The following PPARGC1A variants were observed in gnomAD, a reference collection of about 807,000 sequenced individuals.
PPARGC1A encodes peroxisome proliferator-activated receptor gamma coactivator 1-alpha.
A neutral mutation model predicts 88.7 loss-of-function variants in PPARGC1A; 25 were observed. The observed-to-expected ratio is 0.28, with a 90% confidence interval of 0.21 to 0.39. The LOEUF (loss-of-function observed/expected upper bound fraction) is 0.39, where lower values mean the gene tolerates loss of function less well. Ranked by LOEUF, PPARGC1A falls within the 10% of genes least tolerant of loss-of-function variation. The probability of loss-of-function intolerance (pLI) is 1.00; values close to 1 mark genes in which losing one functional copy is unlikely to be tolerated. For synonymous variants in PPARGC1A, 363 were observed against 355.6 expected (o/e 1.02, Z -0.24); for missense variants, 880 against 968.7 (o/e 0.91, Z 1.22).
the PPARGC1A span, among the ~76,000 whole-genome samples, chr4:24,078,343 T>C: frequency 6.6e-6 from 1 of 152,102 alleles, no homozygotes; most frequent in Non-Finnish European, 1.5e-5. Context: ...GCTCTCCCTC[T>C]GGCAGGGCAT....
At chr4:24,181,163 C>A in the PPARGC1A span, among the ~76,000 whole-genome samples, 1 of 152,172 alleles carries the variant, frequency 6.6e-6, no homozygotes, top group Non-Finnish European at 1.5e-5. Context: ...TAAGCTGTTA[C>A]TTAGAGGTGA....
At chr4:24,193,294 A>C in the PPARGC1A span, among the ~76,000 whole-genome samples, 1 of 152,204 alleles carries the variant, frequency 6.6e-6, no homozygotes, top group Non-Finnish European at 1.5e-5. Context: ...GTCAGTTTTC[A>C]ATGACTTGGA....
chr4:24,130,738 C>T, the PPARGC1A span, among the ~76,000 whole-genome samples: 5 of 152,126 alleles, frequency 3.3e-5, no homozygotes, highest in Middle Eastern at 6.3e-3. Context: ...AAAGTTCTAA[C>T]ATTTGGTGCT....
At chr4:23,834,544 G>T (rs1725676112) in intron 2 of PPARGC1A, among the ~76,000 whole-genome samples, 1 of 151,712 alleles carries the variant, frequency 6.6e-6, no homozygotes, top group Admixed American at 6.6e-5. Flanking sequence ...ATCAGAAGGG[G>T]TAACTGTTAA....
the PPARGC1A span, among the ~76,000 whole-genome samples, chr4:23,926,520 T>C: frequency 3.3e-5 from 5 of 152,296 alleles, no homozygotes; most frequent in African/African-American, 4.8e-5. Flanking sequence ...CCCCTCAACA[T>C]TGACCTAGAG....
At chr4:24,393,126 A>G in the PPARGC1A span, among the ~76,000 whole-genome samples, 1 of 151,876 alleles carries the variant, frequency 6.6e-6, no homozygotes, top group Non-Finnish European at 1.5e-5. Context: ...TGATTCTACA[A>G]ACTTCCTGGC....
At chr4:24,134,111 T>G in the PPARGC1A span, among the ~76,000 whole-genome samples, 1 of 152,182 alleles carries the variant, frequency 6.6e-6, no homozygotes, top group Non-Finnish European at 1.5e-5. Flanking sequence ...AAGGTGATTC[T>G]TTCAAAGACA....
At chr4:24,013,073 AG>A in the PPARGC1A span, among the ~76,000 whole-genome samples, 1 of 152,142 alleles carries the variant, frequency 6.6e-6, no homozygotes, top group Non-Finnish European at 1.5e-5. Flanking sequence ...TCATTCATTT[AG>A]CCCCTCCCTA....
chr4:23,919,075 T>C, the PPARGC1A span, among the ~76,000 whole-genome samples: 1 of 152,156 alleles, frequency 6.6e-6, no homozygotes, highest in Non-Finnish European at 1.5e-5. Context: ...AAATCAAGCC[T>C]CACCCTTCTC....
the PPARGC1A span, among the ~76,000 whole-genome samples, chr4:24,256,902 A>G: frequency 6.6e-6 from 1 of 152,142 alleles, no homozygotes; most frequent in Non-Finnish European, 1.5e-5. Flanking sequence ...AAAGATATAG[A>G]CAGATAAGAA....
chr4:23,823,071 G>A (rs1723290764), intron 7 of PPARGC1A, among the ~76,000 whole-genome samples: 1 of 151,642 alleles, frequency 6.6e-6, no homozygotes, highest in Admixed American at 6.6e-5. Context: ...TATGTAAGAT[G>A]GTAAAATCTC....
intron 1 of PPARGC1A, among the ~76,000 whole-genome samples, chr4:23,888,711 G>A (rs907951793): frequency 1.3e-5 from 2 of 152,152 alleles, no homozygotes; most frequent in Admixed American, 6.5e-5. Flanking sequence ...GGCATGCCTC[G>A]CTAGATAGGA....
Position 23,896,851 on chromosome 4 carries a change from G to A in PPARGC1A, n.52+2416C>T, listed in dbSNP as rs115391298. On this transcript the variant is annotated intron_variant and non_coding_transcript_variant, in intron 1 of 3. Transcript: ENST00000507342. The stretch of plus-strand genomic sequence containing the variant: ...AGGAGGGGCCACCAGCAAAGGCTTA[G>A]AGAAAGAGTGTTTGGAGACATGGCT... Among the ~76,000 whole-genome samples, 1,357 of 152,304 alleles carry A rather than the reference G, an allele frequency of 8.9e-3. 18 individuals are homozygous for A. Among genetic ancestry groups the A allele is most frequent in the African/African-American group, 0.031 (1,294 of 41,562 alleles).
the PPARGC1A span, among the ~76,000 whole-genome samples, chr4:24,022,737 C>G: frequency 6.6e-6 from 1 of 152,192 alleles, no homozygotes; most frequent in Non-Finnish European, 1.5e-5. Flanking sequence ...CGGGTCCCAG[C>G]CCACATGACC....
the PPARGC1A span, among the ~76,000 whole-genome samples, chr4:24,188,041 A>C: frequency 6.6e-6 from 1 of 152,370 alleles, no homozygotes; most frequent in African/African-American, 2.4e-5. Flanking sequence ...CTGAGATGGC[A>C]AAGAACATGC....
chr4:24,118,346 A>G, the PPARGC1A span, among the ~76,000 whole-genome samples: 15 of 152,160 alleles, frequency 9.9e-5, no homozygotes, highest in Non-Finnish European at 2.2e-4. Flanking sequence ...TTTGAAGAAA[A>G]TTAAAAGAAA....
At chr4:24,145,140 A>G in the PPARGC1A span, among the ~76,000 whole-genome samples, 1 of 151,302 alleles carries the variant, frequency 6.6e-6, no homozygotes, top group African/African-American at 2.4e-5. Context: ...TATGCATGCC[A>G]GGCACAGGGT....
the PPARGC1A span, among the ~76,000 whole-genome samples, chr4:24,089,294 A>C: frequency 6.6e-6 from 1 of 152,038 alleles, no homozygotes; most frequent in Admixed American, 6.6e-5. Context: ...TGTCAACTGA[A>C]GTAGGTGACT....
In PPARGC1A at chr4:23,813,038, G is replaced by T; in HGVS notation, c.1881C>A (p.Pro627=). ...PLYVRSRSRS[P]YSRRPRYDSY... ...CTCATTACCTGGGCCGACGGCTGTA[G>T]GGCGATCTTGAACGTGATCTCACAT... is the stretch of plus-strand genomic sequence containing the variant. The change falls in exon 9 of 13, where the codon CCC becomes CCA. Residue 627 remains proline, a synonymous_variant. Transcript: ENST00000264867. The T allele has an allele frequency of 6.2e-7, 1 of 1,614,042 alleles. No individual in the cohort carries two copies. The highest frequency in any genetic ancestry group is 8.5e-7 in the Non-Finnish European group (1 of 1,179,960).
Sources: gnomAD v4.1 joint callset for allele counts (sites outside exome capture counted in the v4.1 genomes callset) on GRCh38, gnomAD v4.1.1 for gene constraint, MANE v1.5 for transcripts, NCBI Gene and HGNC (gene_info 2026-07-23, HGNC 2026-07-21) for gene names.